Variants in TCF20 observed in about 807,000 individuals in gnomAD.
The protein encoded by TCF20 is transcription factor 20, also known as SPRE-binding protein.
TCF20 carries 3 observed loss-of-function variants against 148.6 expected under a neutral mutation model. The ratio of observed to expected loss-of-function variants is 0.02; its 90% CI spans 0.01 to 0.05. The LOEUF (loss-of-function observed/expected upper bound fraction) is 0.05. Ranked by LOEUF, TCF20 falls within the 10% of genes least tolerant of loss-of-function variation. TCF20 has a pLI of 1.00. For missense variants in TCF20, 2,350 were observed against 2,429.3 expected, an observed-to-expected ratio of 0.97 and a Z score of 0.69; for synonymous variants, 1,049 against 909.5, an observed-to-expected ratio of 1.15 and a Z score of -2.76.
Position 42,185,698 on chromosome 22 carries a change from G to A in TCF20, c.5656-5996C>T, listed in dbSNP as rs1937011444. Among the ~76,000 whole-genome samples the A allele has an allele frequency of 2.0e-5, 3 of 152,294 alleles. No homozygotes were observed. In the South Asian group the frequency reaches 6.2e-4, roughly 32 times the overall value. On this transcript the variant is annotated intron_variant, in intron 2 of 5. Transcript: ENST00000677622. ...TCTGCATCCTATCAAGCTTCTTAAA[G>A]ACTACTTCAAAGTGTTAGCCAAAGC... is the stretch of plus-strand genomic sequence containing the variant.
intron 1 of TCF20, among the ~76,000 whole-genome samples, chr22:42,238,513 T>G (rs548646138): frequency 6.6e-6 from 1 of 152,262 alleles, no homozygotes; most frequent in East Asian, 1.9e-4. Context: ...TTTGGTGCAA[T>G]AGGCCTAGTA....
chr22:42,290,283 C>A lies in TCF20; in HGVS notation c.-37+53196G>T, dbSNP rs1172778197. Among the ~76,000 whole-genome samples, 1 of 152,204 alleles carries A rather than the reference C, an allele frequency of 6.6e-6. No homozygotes were observed. Among genetic ancestry groups the A allele is most frequent in the Non-Finnish European group, 1.5e-5 (1 of 68,028 alleles). ...CCTAGGATGTGCAGGAGGCTCGGGGCCCCTGAGAAGCGGCCCAGCACAGGC... is the reference window on the plus strand; with the variant it reads ...CCTAGGATGTGCAGGAGGCTCGGGGACCCTGAGAAGCGGCCCAGCACAGGC... On this transcript the variant is annotated intron_variant, in intron 1 of 1. Coordinates refer to the TCF20 transcript ENST00000515426. This position sits in a 1 kb window ranked among gnomAD's most constrained non-coding sequence, Gnocchi z 4.2.
chr22:42,236,909 G>C (rs1005536862), intron 1 of TCF20, among the ~76,000 whole-genome samples: 1 of 152,076 alleles, frequency 6.6e-6, no homozygotes, highest in Non-Finnish European at 1.5e-5. Flanking sequence ...ATACTTTATC[G>C]TTAAAAAATG....
At chr22:42,341,801 G>A (rs191812978) in intron 1 of TCF20, among the ~76,000 whole-genome samples, 17 of 152,124 alleles carry the variant, frequency 1.1e-4, no homozygotes, top group South Asian at 4.1e-4. Flanking sequence ...AGATGGAAGC[G>A]TCCTACCACA....
intron 5 of TCF20, among the ~76,000 whole-genome samples, chr22:42,165,376 T>G (rs1935720879): frequency 6.6e-6 from 1 of 152,246 alleles, no homozygotes; most frequent in African/African-American, 2.4e-5. Flanking sequence ...GCTTCCCATG[T>G]GCTGGACCAC....
intron 1 of TCF20, among the ~76,000 whole-genome samples, chr22:42,266,773 C>CGTCTCAAAACAAACAAACA (rs1569194382): frequency 2.0e-5 from 3 of 152,014 alleles, no homozygotes; most frequent in Admixed American, 6.6e-5. Flanking sequence ...AGCGAGACTC[C>CGTCTCAAAACAAACAAACA]GTCTCAAAAC....
Position 42,214,115 on chromosome 22 carries a change from C to G in TCF20, c.1191G>C (p.Gln397His). The G allele has an allele frequency of 6.2e-7, 1 of 1,614,210 alleles. No individual in the cohort carries two copies. The highest frequency in any genetic ancestry group is 1.1e-5 in the South Asian group (1 of 91,090). The change falls in exon 2 of 6, where the codon CAG becomes CAC. Residue 397 changes from glutamine to histidine, a missense_variant. Gln to His is a conservative substitution (Grantham distance 24, BLOSUM62 0). Transcript: ENST00000677622. ...CCATAGGCACACTGCCTTGCCCACA[C>G]TGGAGATTCTCCCCAGTCTGCATGA... ...SPLMQTGENL[Q>H]CGQGSVPMGS...
At position 42,210,752 on chromosome 22, in the gene TCF20, T is replaced by A; in HGVS notation, c.4554A>T (p.Thr1518=). 6.2e-7 allele frequency: 1 copy of A among 1,614,224 alleles called. No individual in the cohort carries two copies. Among genetic ancestry groups the A allele is most frequent in the Non-Finnish European group, 8.5e-7 (1 of 1,180,040 alleles). ...NPKAEEKEND[T]VTISPKQEGF... is the part of the protein sequence containing the mutation. ...CCTCTTGCTTCGGTGAAATCGTCAC[T>A]GTATCGTTCTCCTTCTCTTCAGCCT... The change falls in exon 2 of 6, where the codon ACA becomes ACT. Residue 1518 remains threonine, a synonymous_variant. Transcript: ENST00000677622. This position sits in a 1 kb window ranked among gnomAD's most constrained non-coding sequence, Gnocchi z 4.7.
At chr22:42,277,578 A>G (rs1245540509) in intron 1 of TCF20, among the ~76,000 whole-genome samples, 3 of 151,992 alleles carry the variant, frequency 2.0e-5, no homozygotes, top group African/African-American at 7.2e-5. Flanking sequence ...GAACAAGTAG[A>G]TTTCCAGGAA....
chr22:42,166,099 C>T (rs985367358), intron 5 of TCF20, among the ~76,000 whole-genome samples: 7 of 152,232 alleles, frequency 4.6e-5, no homozygotes, highest in Non-Finnish European at 4.4e-5. Flanking sequence ...CTCAATGTCA[C>T]TGCTGAACTG....
At chr22:42,162,293 T>G (rs1486125391) in intron 5 of TCF20, among the ~76,000 whole-genome samples, 1 of 152,074 alleles carries the variant, frequency 6.6e-6, no homozygotes, top group Non-Finnish European at 1.5e-5. Context: ...CAGTTCTTCA[T>G]GCTTAAAAAG....
At chr22:42,281,025 G>A (rs1926890663) in intron 1 of TCF20, among the ~76,000 whole-genome samples, 1 of 152,138 alleles carries the variant, frequency 6.6e-6, no homozygotes, top group Non-Finnish European at 1.5e-5. Flanking sequence ...GTTGGGGATA[G>A]GTCTGGGGGA....
At chr22:42,268,940 G>C (rs543734976) in intron 1 of TCF20, among the ~76,000 whole-genome samples, 1 of 152,304 alleles carries the variant, frequency 6.6e-6, no homozygotes, top group South Asian at 2.1e-4. Context: ...GTTGCCTATG[G>C]CTAAAACAGA....
chr22:42,291,359 C>T (rs1341170905), intron 1 of TCF20, among the ~76,000 whole-genome samples: 1 of 152,168 alleles, frequency 6.6e-6, no homozygotes, highest in African/African-American at 2.4e-5. Context: ...AGGAAGCATT[C>T]CCTGAGGAGA....
chr22:42,245,811 A>G (rs971132862), intron 1 of TCF20, among the ~76,000 whole-genome samples: 2 of 152,156 alleles, frequency 1.3e-5, no homozygotes, highest in Non-Finnish European at 2.9e-5. Context: ...AGAAGGTCTC[A>G]CTACGTTGCC....
intron 1 of TCF20, among the ~76,000 whole-genome samples, chr22:42,236,098 C>T (rs904647684): frequency 2.6e-5 from 4 of 151,952 alleles, no homozygotes; most frequent in Admixed American, 6.6e-5. Flanking sequence ...TGCTTGTACA[C>T]CCAGGAAGCA....
At chr22:42,200,482 A>C (rs1239605068) in intron 2 of TCF20, among the ~76,000 whole-genome samples, 2 of 152,056 alleles carry the variant, frequency 1.3e-5, no homozygotes, top group Admixed American at 1.3e-4. Flanking sequence ...CTCTACTAAA[A>C]AATACAAAAA....
chr22:42,263,729 T>C (rs1272288407), intron 1 of TCF20, among the ~76,000 whole-genome samples: 8 of 152,198 alleles, frequency 5.3e-5, no homozygotes, highest in Admixed American at 4.6e-4. Context: ...GCTTTCAAGC[T>C]TGATGTGTGC....
intron 1 of TCF20, among the ~76,000 whole-genome samples, chr22:42,275,906 T>G (rs561192820): frequency 1.6e-4 from 25 of 152,268 alleles, no homozygotes; most frequent in African/African-American, 5.8e-4. Flanking sequence ...AACAACCCTA[T>G]AAAGTGGGTA....
Sources: allele counts gnomAD v4.1 joint callset (sites outside exome capture counted in the v4.1 genomes callset), GRCh38; gene constraint gnomAD v4.1.1; non-coding constraint Gnocchi (gnomAD v3.1); transcripts MANE v1.5; gene names NCBI Gene and HGNC (gene_info 2026-07-23, HGNC 2026-07-21).